SRD5A2: variants seen among roughly 807,000 people sequenced by gnomAD.
SRD5A2 encodes 3-oxo-5-alpha-steroid 4-dehydrogenase 2.
In SRD5A2, 30 loss-of-function variants were observed where a neutral mutation model predicts 27.4. The observed-to-expected ratio is 1.10, with a 90% CI of 0.82 to 1.49. SRD5A2 has a LOEUF of 1.49. Among genes scored for constraint, SRD5A2 ranks in the 40% most tolerant of loss-of-function variants. SRD5A2 has a pLI of 0.00. For synonymous variants in SRD5A2, 141 were observed against 133.6 expected (o/e 1.06, Z -0.38); for missense variants, 348 against 323.4 (o/e 1.08, Z -0.58).
chr2:31,565,750 C>A (rs1421865469), intron 1 of SRD5A2, among the ~76,000 whole-genome samples: 1 of 151,922 alleles, frequency 6.6e-6, no homozygotes, highest in African/African-American at 2.4e-5. Context: ...AGCAAGTCTA[C>A]AATTTTGATC....
intron 1 of SRD5A2, among the ~76,000 whole-genome samples, chr2:31,569,289 T>C (rs1666802693): frequency 6.6e-6 from 1 of 152,274 alleles, no homozygotes; most frequent in African/African-American, 2.4e-5. Context: ...GGCTACATTA[T>C]ATGATAGGTA....
chr2:31,582,092 T>C (rs1385663750), upstream of SRD5A2, among the ~76,000 whole-genome samples: 1 of 152,228 alleles, frequency 6.6e-6, no homozygotes, highest in Non-Finnish European at 1.5e-5. Flanking sequence ...TTCATCTTCC[T>C]GTCCCATCTC....
chr2:31,634,338 G>C, the SRD5A2 span, among the ~76,000 whole-genome samples: 7 of 152,070 alleles, frequency 4.6e-5, no homozygotes, highest in African/African-American at 1.7e-4. Context: ...AAAAAAGGTA[G>C]AGAGGCAAAA....
intron 1 of SRD5A2, among the ~76,000 whole-genome samples, chr2:31,543,735 T>C (rs1666186027): frequency 6.6e-6 from 1 of 152,116 alleles, no homozygotes; most frequent in African/African-American, 2.4e-5. Flanking sequence ...ATTCCAATGG[T>C]AACTGCAAAG....
intron 1 of SRD5A2, among the ~76,000 whole-genome samples, chr2:31,549,795 A>G (rs1056381988): frequency 7.2e-5 from 11 of 152,184 alleles, no homozygotes; most frequent in African/African-American, 2.7e-4. Context: ...AGGCTTCAAC[A>G]CCCATTTCTA....
intron 1 of SRD5A2, among the ~76,000 whole-genome samples, chr2:31,579,111 TAAAG>T (rs1667016770): frequency 6.6e-6 from 1 of 152,194 alleles, no homozygotes. Flanking sequence ...CTGTGTAAAA[TAAAG>T]AATCTTGTTC....
the SRD5A2 span, among the ~76,000 whole-genome samples, chr2:31,627,918 G>A: frequency 2.0e-5 from 3 of 152,252 alleles, 1 homozygote; most frequent in South Asian, 6.2e-4. Flanking sequence ...TATAGTGTGT[G>A]TCATCTGCAG....
At chr2:31,630,587 A>G in the SRD5A2 span, among the ~76,000 whole-genome samples, 1 of 152,206 alleles carries the variant, frequency 6.6e-6, no homozygotes, top group African/African-American at 2.4e-5. Context: ...GGATGGCCCA[A>G]ATGCATTCAA....
the SRD5A2 span, among the ~76,000 whole-genome samples, chr2:31,600,184 C>T: frequency 3.3e-5 from 5 of 151,968 alleles, no homozygotes; most frequent in African/African-American, 1.2e-4. Flanking sequence ...TATGGCTACA[C>T]AGTATCACAT....
At chr2:31,545,776 C>G (rs1416953589) in intron 1 of SRD5A2, among the ~76,000 whole-genome samples, 1 of 152,162 alleles carries the variant, frequency 6.6e-6, no homozygotes, top group Non-Finnish European at 1.5e-5. Flanking sequence ...AAAATTATCT[C>G]TGCTTACAGA....
At chr2:31,546,792 T>C (rs1666270857) in intron 1 of SRD5A2, among the ~76,000 whole-genome samples, 1 of 152,064 alleles carries the variant, frequency 6.6e-6, no homozygotes, top group African/African-American at 2.4e-5. Flanking sequence ...AACTTTATTT[T>C]AAAGTTAAAA....
In SRD5A2 at chr2:31,579,515, A is replaced by G. The variant is rs140367583; in HGVS notation, c.281+1105T>C. Among the ~76,000 whole-genome samples the G allele has an allele frequency of 9.9e-4, 151 of 152,328 alleles. 1 individual carries two copies. Among genetic ancestry groups the G allele is most frequent in the Non-Finnish European group, 1.7e-3 (114 of 68,034 alleles). ...GGGCTCTGTTCTCTTCTTGCATAGA[A>G]TATCTGCCTACTTAAAACGGCTAAA... On this transcript the variant is annotated intron_variant, in intron 1 of 4. Coordinates refer to ENST00000622030, the MANE Select transcript of SRD5A2 (RefSeq NM_000348.4).
rs1023850655 is a variant in SRD5A2, at chr2:31,580,652, A to C, written c.249T>G (p.Leu83=). ...LSLFGPPGTV[L]LGLFCLHYFH... is the part of the protein sequence containing the mutation. ...AGTAATGTAGGCAGAAGAGGCCCAGAAGTACCGTCCCAGGTGGCCCGAAGA... is the reference window on the plus strand; with the variant it reads ...AGTAATGTAGGCAGAAGAGGCCCAGCAGTACCGTCCCAGGTGGCCCGAAGA... The change falls in exon 1 of 5, where the codon CTT becomes CTG. Residue 83 remains leucine, a synonymous_variant. Coordinates refer to ENST00000622030, the MANE Select transcript of SRD5A2 (RefSeq NM_000348.4). 6.9e-6 allele frequency: 11 copies of C among 1,589,298 alleles called. No homozygotes were observed. Among genetic ancestry groups the C allele is most frequent in the Non-Finnish European group, 9.4e-6 (11 of 1,174,352 alleles).
the SRD5A2 span, among the ~76,000 whole-genome samples, chr2:31,602,124 C>T: frequency 6.6e-6 from 1 of 151,988 alleles, no homozygotes; most frequent in Non-Finnish European, 1.5e-5. Flanking sequence ...CTCACTTAAA[C>T]TTTGTTTGCA....
rs1244492028 is a variant in SRD5A2, at chr2:31,523,731, T to C, written c.*2465A>G. 2 of 220,132 alleles carry C rather than the reference T, an allele frequency of 9.1e-6. No individual in the cohort carries two copies. Among genetic ancestry groups the C allele is most frequent in the East Asian group, 1.3e-4 (2 of 15,054 alleles). 13.6% of individuals were successfully genotyped at this position (220,132 alleles called of 1,614,324 possible). A position where few individuals can be genotyped will look rare whatever the true frequency, so the allele number is the denominator to read the frequency against. ...AGTCCATGGAAACCTCAATTAACTA[T>C]AATTTTGTTGCACCCTATTTTTAAA... On this transcript the variant is annotated 3_prime_UTR_variant, in exon 5 of 5. Transcript: ENST00000622030.
chr2:31,552,500 C>A (rs866933887), intron 1 of SRD5A2, among the ~76,000 whole-genome samples: 1 of 151,972 alleles, frequency 6.6e-6, no homozygotes, highest in Non-Finnish European at 1.5e-5. Flanking sequence ...ATGGAAAGGG[C>A]GTAAACAGAT....
chr2:31,637,542 A>T, the SRD5A2 span, among the ~76,000 whole-genome samples: 4 of 152,114 alleles, frequency 2.6e-5, no homozygotes, highest in Non-Finnish European at 5.9e-5. Flanking sequence ...AAAGTTTGTA[A>T]ATAACCCACC....
the SRD5A2 span, among the ~76,000 whole-genome samples, chr2:31,623,168 G>A: frequency 2.6e-5 from 4 of 151,908 alleles, no homozygotes; most frequent in Non-Finnish European, 4.4e-5. Flanking sequence ...GTCATTCCTG[G>A]GCCGAAGGTG....
chr2:31,540,273 G>A (rs1406744227), intron 1 of SRD5A2, among the ~76,000 whole-genome samples: 1 of 151,752 alleles, frequency 6.6e-6, no homozygotes, highest in East Asian at 1.9e-4. Context: ...AAAACACATA[G>A]AAAAACAGAG....
Sources: gnomAD v4.1 joint callset for allele counts (sites outside exome capture counted in the v4.1 genomes callset) on GRCh38, gnomAD v4.1.1 for gene constraint, MANE v1.5 for transcripts, NCBI Gene and HGNC (gene_info 2026-07-23, HGNC 2026-07-21) for gene names.